LRFN5: variants seen among roughly 807,000 people sequenced by gnomAD.
LRFN5 encodes the protein leucine rich repeat and fibronectin type III domain containing 5.
In LRFN5, 24 loss-of-function variants were observed where a neutral mutation model predicts 45.6. That is an observed-to-expected ratio of 0.53 (90% CI 0.38 to 0.74). LRFN5 has a LOEUF of 0.74. Ranked by LOEUF, LRFN5 falls within the 30% of genes least tolerant of loss-of-function variation. LRFN5 has a pLI of 0.00. For synonymous variants in LRFN5, 340 were observed against 313.8 expected (o/e 1.08, Z -0.88); for missense variants, 776 against 861.5 (o/e 0.90, Z 1.24).
At chr14:41,861,244 CAATT>C (rs1220260260) in intron 2 of LRFN5, among the ~76,000 whole-genome samples, 1 of 152,164 alleles carries the variant, frequency 6.6e-6, no homozygotes, top group Non-Finnish European at 1.5e-5. Flanking sequence ...ATGCCTGAAT[CAATT>C]ATTACTATGA....
At chr14:41,722,013 G>A (rs12589527) in intron 1 of LRFN5, among the ~76,000 whole-genome samples, 22,026 of 151,850 alleles carry the variant, frequency 0.15, 1,896 homozygotes, top group East Asian at 0.41. Context: ...ATAATTTGTA[G>A]GTTTGGTTGC....
chr14:41,798,304 C>T (rs1037494400), intron 2 of LRFN5, among the ~76,000 whole-genome samples: 6 of 152,004 alleles, frequency 3.9e-5, no homozygotes, highest in African/African-American at 7.2e-5. Flanking sequence ...TTGGCCTACA[C>T]GCATTGTTCC....
intron 1 of LRFN5, among the ~76,000 whole-genome samples, chr14:41,654,401 T>G (rs1263361221): frequency 6.6e-6 from 1 of 152,036 alleles, no homozygotes; most frequent in East Asian, 1.9e-4. Flanking sequence ...GTACATAGTA[T>G]GTACATAGTG....
intron 1 of LRFN5, among the ~76,000 whole-genome samples, chr14:41,671,616 C>CTTTT (rs1566613142): frequency 8.1e-5 from 3 of 37,220 alleles, no homozygotes; most frequent in African/African-American, 5.7e-4. Context: ...TTTTTTTTTT[C>CTTTT]GTTTTTTTTT....
At position 41,890,951 on chromosome 14, in the gene LRFN5, T is replaced by C. The variant is rs574347145; in HGVS notation, c.1386-299T>C. 4.6e-5 allele frequency among the ~76,000 whole-genome samples: 7 copies of C among 152,254 alleles called. No homozygotes were observed. In the South Asian group the frequency reaches 1.5e-3, roughly 32 times the overall value. ...ATGTCACAGTCACACCTTTCAAAAG[T>C]AATTTGTCATCAATGTTTTTTTAGC... On this transcript the variant is annotated intron_variant, in intron 3 of 5. Coordinates refer to ENST00000298119, the MANE Select transcript of LRFN5 (RefSeq NM_152447.5).
At chr14:41,693,876 G>A (rs1033232897) in intron 1 of LRFN5, among the ~76,000 whole-genome samples, 5 of 151,912 alleles carry the variant, frequency 3.3e-5, no homozygotes, top group Admixed American at 2.0e-4. Context: ...GTCCTCCATT[G>A]GTTTAATGTT....
At chr14:41,802,683 A>G (rs1347336223) in intron 2 of LRFN5, among the ~76,000 whole-genome samples, 2 of 152,200 alleles carry the variant, frequency 1.3e-5, no homozygotes, top group Admixed American at 6.6e-5. Flanking sequence ...CCTTCCTTCC[A>G]GTTAAGTAAA....
At chr14:41,767,779 A>G (rs1034457397) in intron 2 of LRFN5, among the ~76,000 whole-genome samples, 16 of 152,208 alleles carry the variant, frequency 1.1e-4, no homozygotes, top group African/African-American at 3.4e-4. Context: ...AGGTAAATGT[A>G]TTAGTTAAAA....
chr14:41,618,664 T>C (rs1051868722), intron 1 of LRFN5, among the ~76,000 whole-genome samples: 2 of 152,166 alleles, frequency 1.3e-5, no homozygotes, highest in Non-Finnish European at 2.9e-5. Context: ...ATAAAATGGT[T>C]GTTACTTTAA....
chr14:41,709,082 ACCAACT>A, intron 1 of LRFN5, among the ~76,000 whole-genome samples: 1 of 151,896 alleles, frequency 6.6e-6, no homozygotes, highest in South Asian at 2.1e-4. Flanking sequence ...TAAAACTCGT[ACCAACT>A]GTTTCTTCCA....
chr14:41,893,143 A>G (rs1890837903), intron 4 of LRFN5: 1 of 984,284 alleles, frequency 1.0e-6, no homozygotes, highest in Non-Finnish European at 1.2e-6. Context: ...TTGCTATTTT[A>G]ACCAAAAACT....
chr14:41,780,745 T>A (rs1886452915), intron 2 of LRFN5, among the ~76,000 whole-genome samples: 2 of 152,042 alleles, frequency 1.3e-5, no homozygotes, highest in Admixed American at 6.6e-5. Flanking sequence ...TATTTTTAGT[T>A]TCTTTAATTT....
At chr14:41,901,134 C>T (rs1008076866) in intron 5 of LRFN5, among the ~76,000 whole-genome samples, 9 of 151,570 alleles carry the variant, frequency 5.9e-5, no homozygotes, top group Non-Finnish European at 1.2e-4. Flanking sequence ...TAATACAATT[C>T]TTTTATAATA....
chr14:41,787,081 T>A (rs1488767863), intron 2 of LRFN5, among the ~76,000 whole-genome samples: 1 of 152,118 alleles, frequency 6.6e-6, no homozygotes, highest in Non-Finnish European at 1.5e-5. Flanking sequence ...TTAATATCTT[T>A]GTTTGCTAAT....
At chr14:41,690,777 A>G (rs1270217387) in intron 1 of LRFN5, among the ~76,000 whole-genome samples, 1 of 152,196 alleles carries the variant, frequency 6.6e-6, no homozygotes, top group African/African-American at 2.4e-5. Context: ...ATTGGAGATT[A>G]TAACCGGAGC....
At chr14:41,789,712 G>A (rs1886850851) in intron 2 of LRFN5, among the ~76,000 whole-genome samples, 1 of 151,890 alleles carries the variant, frequency 6.6e-6, no homozygotes, top group African/African-American at 2.4e-5. Flanking sequence ...CTAGGATTAT[G>A]TGTGCTGTTC....
intron 2 of LRFN5, among the ~76,000 whole-genome samples, chr14:41,831,587 G>A (rs1888483840): frequency 6.6e-6 from 1 of 152,072 alleles, no homozygotes; most frequent in Non-Finnish European, 1.5e-5. Flanking sequence ...ATGCTAGTTA[G>A]AGTAAAAAGG....
intron 2 of LRFN5, among the ~76,000 whole-genome samples, chr14:41,883,377 A>G (rs1263873993): frequency 6.6e-6 from 1 of 152,148 alleles, no homozygotes; most frequent in African/African-American, 2.4e-5. Flanking sequence ...TTGCATACAT[A>G]TCTACAGATG....
At chr14:41,896,747 G>A (rs964772293) in intron 4 of LRFN5, among the ~76,000 whole-genome samples, 16 of 151,904 alleles carry the variant, frequency 1.1e-4, no homozygotes, top group Non-Finnish European at 1.9e-4. Flanking sequence ...TTATTATTAT[G>A]TTTTTCCACA....
Sources: gnomAD v4.1 joint callset for allele counts (sites outside exome capture counted in the v4.1 genomes callset) on GRCh38, gnomAD v4.1.1 for gene constraint, MANE v1.5 for transcripts, NCBI Gene and HGNC (gene_info 2026-07-23, HGNC 2026-07-21) for gene names.